MGAT5: variants seen among roughly 807,000 people sequenced by gnomAD.
MGAT5 encodes the protein alpha-1,6-mannosylglycoprotein 6-beta-N-acetylglucosaminyltransferase, also known as alpha-1,6-mannosylglycoprotein 6-beta-N-acetylglucosaminyltransferase A.
MGAT5 carries 30 observed loss-of-function variants against 94.3 expected under a neutral mutation model. That is an observed-to-expected ratio of 0.32 (90% CI 0.24 to 0.43). MGAT5 has a LOEUF of 0.43. Ranked by LOEUF, MGAT5 falls within the 20% of genes least tolerant of loss-of-function variation. MGAT5 has a pLI of 1.00. For missense variants in MGAT5, 691 were observed against 905.5 expected (o/e 0.76, Z 3.04); for synonymous variants, 310 against 322.9 (o/e 0.96, Z 0.43).
intron 15 of MGAT5, among the ~76,000 whole-genome samples, chr2:134,444,441 C>T (rs1344142303): frequency 2.0e-5 from 3 of 152,192 alleles, no homozygotes; most frequent in East Asian, 1.9e-4. Context: ...GCAATAAAGC[C>T]GTCTGATATT....
chr2:134,209,142 TTTTTTTTTTA>T lies in MGAT5; in HGVS notation c.-142-45110_-142-45101del, dbSNP rs1223647502. On this transcript the variant is annotated intron_variant, in intron 1 of 16. Transcript: ENST00000409645. Reference sequence around the variant, plus strand: ...AGGGATTGTATATAGAACTGGCTTATTTTTTTTTTATTTTTTTTTTTTTTTTTATTTTTTT... The same window carrying T: ...AGGGATTGTATATAGAACTGGCTTATTTTTTTTTTTTTTTTTTATTTTTTT... Among the ~76,000 whole-genome samples, 23 of 27,516 alleles carry T rather than the reference TTTTTTTTTTA, an allele frequency of 8.4e-4. 4 individuals carry two copies. Among genetic ancestry groups the T allele is most frequent in the South Asian group, 4.3e-3 (3 of 694 alleles). 18.1% of individuals were successfully genotyped at this position (27,516 alleles called of 152,430 possible).
intron 1 of MGAT5, among the ~76,000 whole-genome samples, chr2:134,169,110 A>T (rs1157622557): frequency 6.6e-6 from 1 of 152,118 alleles, no homozygotes; most frequent in African/African-American, 2.4e-5. Flanking sequence ...ACTTTGGGGG[A>T]GGGCAAAGAG....
chr2:134,417,456 A>G lies in MGAT5; in HGVS notation c.1677+4441A>G, dbSNP rs141021664. Among the ~76,000 whole-genome samples the G allele has an allele frequency of 3.5e-3, 539 of 152,042 alleles. 3 individuals carry two copies. The highest frequency in any genetic ancestry group is 0.024 in the Middle Eastern group (7 of 294). ...CCTTAGTCTCGTCTGATCTGTGCCAATTCAGTCTTTCACTATCACCCATGA... is the reference window on the plus strand; with the variant it reads ...CCTTAGTCTCGTCTGATCTGTGCCAGTTCAGTCTTTCACTATCACCCATGA... On this transcript the variant is annotated intron_variant, in intron 12 of 15. Coordinates refer to ENST00000281923, the MANE Select transcript of MGAT5 (RefSeq NM_002410.5).
intron 2 of MGAT5, among the ~76,000 whole-genome samples, chr2:134,292,855 A>G (rs564794168): frequency 9.8e-5 from 15 of 152,344 alleles, no homozygotes; most frequent in African/African-American, 3.1e-4. Flanking sequence ...CTGCTCTTGC[A>G]GCTCTTTGAA....
chr2:134,440,129 C>G (rs1268435112), intron 14 of MGAT5, among the ~76,000 whole-genome samples: 1 of 152,156 alleles, frequency 6.6e-6, no homozygotes, highest in Non-Finnish European at 1.5e-5. Context: ...TGCTGGTTTC[C>G]TCTATTCCCT....
chr2:134,292,170 A>T (rs1027919974), intron 2 of MGAT5, among the ~76,000 whole-genome samples: 5 of 152,214 alleles, frequency 3.3e-5, no homozygotes, highest in African/African-American at 1.2e-4. Context: ...TGAATGTCAT[A>T]GCAGTAGTGT....
intron 2 of MGAT5, among the ~76,000 whole-genome samples, chr2:134,282,426 T>C (rs1684750966): frequency 6.6e-6 from 1 of 152,194 alleles, no homozygotes; most frequent in South Asian, 2.1e-4. Flanking sequence ...TAGTGCTGTG[T>C]TTTCAAAAGG....
intron 11 of MGAT5, among the ~76,000 whole-genome samples, chr2:134,409,083 A>G (rs530644958): frequency 6.6e-6 from 1 of 152,196 alleles, no homozygotes; most frequent in Non-Finnish European, 1.5e-5. Flanking sequence ...GTAAAAACCC[A>G]CAAACATAAC....
intron 1 of MGAT5, among the ~76,000 whole-genome samples, chr2:134,163,995 G>C (rs1292805450): frequency 6.6e-6 from 1 of 152,230 alleles, no homozygotes; most frequent in African/African-American, 2.4e-5. Flanking sequence ...ATGAACAACA[G>C]AGAGAGAAGA....
chr2:134,197,682 GA>G (rs1354287014), intron 1 of MGAT5, among the ~76,000 whole-genome samples: 1 of 152,200 alleles, frequency 6.6e-6, no homozygotes, highest in African/African-American at 2.4e-5. Flanking sequence ...TGCTGTAACA[GA>G]AACCTCAAAC....
At chr2:134,344,206 A>G (rs1688794064) in intron 7 of MGAT5, among the ~76,000 whole-genome samples, 1 of 152,202 alleles carries the variant, frequency 6.6e-6, no homozygotes, top group African/African-American at 2.4e-5. Context: ...CCAATCAAGT[A>G]CATCGTCACG....
At chr2:134,445,889 C>T (rs1221681886) in intron 15 of MGAT5, among the ~76,000 whole-genome samples, 2 of 152,146 alleles carry the variant, frequency 1.3e-5, no homozygotes, top group African/African-American at 2.4e-5. Context: ...TGTGCTCTAG[C>T]GATTGGGGAA....
At chr2:134,155,372 C>T (rs973227454) in intron 1 of MGAT5, among the ~76,000 whole-genome samples, 1 of 152,144 alleles carries the variant, frequency 6.6e-6, no homozygotes, top group African/African-American at 2.4e-5. Flanking sequence ...TGCAGAGTGA[C>T]GAAGTGGTTG....
intron 1 of MGAT5, among the ~76,000 whole-genome samples, chr2:134,208,078 G>A (rs1035168149): frequency 1.6e-4 from 24 of 152,016 alleles, no homozygotes; most frequent in African/African-American, 5.3e-4. Flanking sequence ...GATGATAAGT[G>A]AAGGATCCCC....
intron 1 of MGAT5, among the ~76,000 whole-genome samples, chr2:134,195,580 T>C (rs1679456381): frequency 6.6e-6 from 1 of 152,224 alleles, no homozygotes; most frequent in African/African-American, 2.4e-5. Context: ...TTTATGTACG[T>C]AGGTTTCCGT....
chr2:134,311,926 G>C (rs1277426680), intron 2 of MGAT5, among the ~76,000 whole-genome samples: 1 of 152,158 alleles, frequency 6.6e-6, no homozygotes, highest in Non-Finnish European at 1.5e-5. Context: ...ATTTATACAA[G>C]CAGTGGGACA....
At chr2:134,151,665 T>A (rs1250922942) in intron 1 of MGAT5, among the ~76,000 whole-genome samples, 7 of 28,952 alleles carry the variant, frequency 2.4e-4, no homozygotes, top group South Asian at 1.1e-3. Context: ...ACCTCACTCA[T>A]GCCCTGTGGG....
In MGAT5 at chr2:134,448,551, A is replaced by G; in HGVS notation, c.2028-98A>G. 5.5e-6 allele frequency: 6 copies of G among 1,091,294 alleles called. No homozygotes were observed. The Admixed American group carries it at 1.0e-4, about 19-fold the overall frequency. 67.6% of individuals were successfully genotyped at this position (1,091,294 alleles called of 1,614,324 possible). ...CTAAAGTAGGACAAGACAACTGAAC[A>G]TCCCCCCATGCCTCAAGATGGGGGC... On this transcript the variant is annotated intron_variant, in intron 15 of 15. Transcript: ENST00000281923.
At chr2:134,288,887 T>G (rs1441704287) in intron 2 of MGAT5, among the ~76,000 whole-genome samples, 1 of 152,168 alleles carries the variant, frequency 6.6e-6, no homozygotes, top group Admixed American at 6.5e-5. Flanking sequence ...CAAAATGGGC[T>G]TCACTTGCTC....
Sources: allele counts gnomAD v4.1 joint callset (sites outside exome capture counted in the v4.1 genomes callset), GRCh38; gene constraint gnomAD v4.1.1; transcripts MANE v1.5; gene names NCBI Gene and HGNC (gene_info 2026-07-23, HGNC 2026-07-21).